Variants in SHANK2 observed in about 807,000 individuals in gnomAD.
The protein encoded by SHANK2 is SH3 and multiple ankyrin repeat domains 2, also known as SH3 and multiple ankyrin repeat domains protein 2.
Under a neutral mutation model 133.7 loss-of-function variants are expected in SHANK2, and 43 were observed. The observed-to-expected ratio is 0.32, with a 90% CI of 0.25 to 0.41. The LOEUF is 0.41. Among genes scored for constraint, SHANK2 ranks in the 10% least tolerant of loss-of-function variants. The probability of loss-of-function intolerance (pLI) is 1.00; values close to 1 mark genes in which losing one functional copy is unlikely to be tolerated. For synonymous variants in SHANK2, 1,017 were observed against 952.8 expected, an observed-to-expected ratio of 1.07 and a Z score of -1.24; for missense variants, 1,994 against 2,235.8, an observed-to-expected ratio of 0.89 and a Z score of 2.18.
Position 70,486,766 on chromosome 11 carries a change from G to A in SHANK2, c.3527C>T (p.Thr1176Met), listed in dbSNP as rs782614044. The A allele has an allele frequency of 2.5e-6, 4 of 1,611,306 alleles. No homozygotes were observed. The highest frequency in any genetic ancestry group is 1.1e-5 in the South Asian group (1 of 91,076). ...PGEAGRPLNS[T>M]SKAQGPESSP... ...GCTCTCGGGCCCCTGGGCTTTGGAC[G>A]TGGAATTCAGCGGCCTCCCAGCCTC... Residue 1176 changes from threonine to methionine, a missense_variant, in exon 25 of 26, where the codon ACG (threonine) becomes ATG (methionine). Transcript: ENST00000601538. The surrounding 1 kb of genome is among the most constrained non-coding windows in gnomAD (Gnocchi z 8.0).
chr11:70,655,934 G>A (rs77336405), intron 17 of SHANK2, among the ~76,000 whole-genome samples: 2 of 152,244 alleles, frequency 1.3e-5, no homozygotes, highest in South Asian at 4.2e-4. Context: ...GTGTGGGCTG[G>A]AGACGAGGTT....
chr11:71,204,407 T>C (rs1954086194), intron 2 of SHANK2, among the ~76,000 whole-genome samples: 2 of 152,066 alleles, frequency 1.3e-5, no homozygotes, highest in Non-Finnish European at 2.9e-5. Flanking sequence ...ACCTCCCATC[T>C]GCGCTGCCTC....
chr11:70,880,682 G>A (rs1289259907), intron 11 of SHANK2, among the ~76,000 whole-genome samples: 1 of 152,210 alleles, frequency 6.6e-6, no homozygotes, highest in Non-Finnish European at 1.5e-5. Flanking sequence ...CTGGGCTGGG[G>A]CTGGGGAACA....
intron 2 of SHANK2, among the ~76,000 whole-genome samples, chr11:71,195,130 C>T (rs1040312517): frequency 2.0e-5 from 3 of 152,292 alleles, no homozygotes; most frequent in South Asian, 2.1e-4. Flanking sequence ...TGGTGGCTGA[C>T]GCCTGTAATC....
In SHANK2 at chr11:70,492,360, C is replaced by A. The variant is rs1555156070; in HGVS notation, c.2414G>T (p.Cys805Phe). ...ATIKQRPSSR[C>F]FPAGSDMNSV... Reference sequence around the variant, plus strand: ...GTTCATGTCTGAGCCCGCCGGGAAGCACCGGCTGCTGGGCCGCTGCTTGAT... The same window carrying A: ...GTTCATGTCTGAGCCCGCCGGGAAGAACCGGCTGCTGGGCCGCTGCTTGAT... The change falls in exon 22 of 26, where the codon TGC becomes TTC. Residue 805 changes from cysteine (C) to phenylalanine (F), a missense_variant. Physicochemically the swap from Cys to Phe is radical, Grantham distance 205. Transcript: ENST00000601538. 1 of 1,612,534 alleles carries A rather than the reference C, an allele frequency of 6.2e-7. No homozygotes were observed. Among genetic ancestry groups the A allele is most frequent in the South Asian group, 1.1e-5 (1 of 91,080 alleles).
chr11:70,642,457 T>C (rs1328696557), intron 17 of SHANK2, among the ~76,000 whole-genome samples: 2 of 152,170 alleles, frequency 1.3e-5, no homozygotes, highest in East Asian at 1.9e-4. Context: ...GCTTGCTAGG[T>C]CACCCCATGT....
intron 1 of SHANK2, among the ~76,000 whole-genome samples, chr11:71,241,960 A>G (rs1954898405): frequency 6.6e-6 from 1 of 152,226 alleles, no homozygotes; most frequent in East Asian, 1.9e-4. Flanking sequence ...AGCATTATTC[A>G]CAACAGCCAG....
intron 8 of SHANK2, among the ~76,000 whole-genome samples, chr11:71,081,594 C>T (rs1181930311): frequency 6.6e-6 from 1 of 152,104 alleles, no homozygotes; most frequent in African/African-American, 2.4e-5. Flanking sequence ...CTTCACCCAT[C>T]CCCTCTCCTG....
At chr11:70,892,235 A>G (rs1555074841) in intron 11 of SHANK2, among the ~76,000 whole-genome samples, 1 of 152,116 alleles carries the variant, frequency 6.6e-6, no homozygotes, top group Non-Finnish European at 1.5e-5. Flanking sequence ...CTCCAGCCCT[A>G]CCCTGCCTTC....
At chr11:70,678,793 G>A (rs1944963003) in intron 15 of SHANK2, among the ~76,000 whole-genome samples, 2 of 151,786 alleles carry the variant, frequency 1.3e-5, no homozygotes, top group African/African-American at 2.4e-5. Flanking sequence ...CGCCCGCCTC[G>A]GCCTCCTGAA....
chr11:71,081,343 T>TG (rs1951298117), intron 8 of SHANK2, among the ~76,000 whole-genome samples: 1 of 152,232 alleles, frequency 6.6e-6, no homozygotes, highest in African/African-American at 2.4e-5. Flanking sequence ...TTGGGTCTAC[T>TG]AATGTGTGCT....
chr11:71,132,448 A>T (rs1342062594), intron 3 of SHANK2, among the ~76,000 whole-genome samples: 2 of 152,220 alleles, frequency 1.3e-5, no homozygotes, highest in Non-Finnish European at 2.9e-5. Context: ...GCTTTGCTAC[A>T]GAACTTGTAG....
chr11:70,944,494 G>C (rs570165884), intron 10 of SHANK2, among the ~76,000 whole-genome samples: 6 of 152,208 alleles, frequency 3.9e-5, no homozygotes, highest in Admixed American at 2.0e-4. Flanking sequence ...CTCTGGGACC[G>C]TCTCACTGAT....
In SHANK2 at chr11:70,682,830, G is replaced by T. The variant is rs782336617; in HGVS notation, c.1853+15858C>A. On this transcript the variant is annotated intron_variant, in intron 15 of 25. Coordinates refer to ENST00000601538, the MANE Select transcript of SHANK2 (RefSeq NM_012309.5). The stretch of plus-strand genomic sequence containing the variant: ...ATGGAAGAAAATGAAAAGACAAAAC[G>T]CAAGTCCTAAGCACAGGAGGATGAC... Among the ~76,000 whole-genome samples the T allele has an allele frequency of 3.3e-5, 5 of 152,276 alleles. No individual in the cohort carries two copies. The East Asian group carries it at 9.7e-4, about 29-fold the overall frequency.
chr11:71,217,965 C>T (rs1954448307), intron 2 of SHANK2, among the ~76,000 whole-genome samples: 3 of 152,126 alleles, frequency 2.0e-5, no homozygotes, highest in Non-Finnish European at 2.9e-5. Context: ...ATTATCCTGC[C>T]TCAGCCTCCT....
At chr11:70,915,489 T>G (rs1555079714) in intron 10 of SHANK2, among the ~76,000 whole-genome samples, 1 of 152,182 alleles carries the variant, frequency 6.6e-6, no homozygotes, top group Non-Finnish European at 1.5e-5. Flanking sequence ...GAAGGGACGG[T>G]GCCATCCCAG....
At chr11:70,928,424 C>T (rs550822414) in intron 10 of SHANK2, among the ~76,000 whole-genome samples, 1 of 152,288 alleles carries the variant, frequency 6.6e-6, no homozygotes, top group South Asian at 2.1e-4. Context: ...CAGGACAGTC[C>T]TAAGATGCAT....
At position 70,500,860 on chromosome 11, in the gene SHANK2, C is replaced by G. The variant is rs1344648601; in HGVS notation, c.2288-270G>C. 61 of 699,026 alleles carry G rather than the reference C, an allele frequency of 8.7e-5. No homozygotes were observed. In the East Asian group the frequency reaches 1.6e-3, roughly 18 times the overall value. The allele number at this position is 699,026 out of a possible 1,614,324, so 43.3% of individuals were successfully genotyped here. On this transcript the variant is annotated intron_variant, in intron 20 of 25. Transcript: ENST00000601538. The surrounding 1 kb of genome is among the most constrained non-coding windows in gnomAD (Gnocchi z 4.5). ...GTGGAAAGGGGCTTTCCTTCTTCCT[C>G]AGCACCCCTTGTCCCACCAGCACCC...
intron 17 of SHANK2, among the ~76,000 whole-genome samples, chr11:70,616,242 A>T (rs970798370): frequency 6.6e-6 from 1 of 152,120 alleles, no homozygotes; most frequent in African/African-American, 2.4e-5. Context: ...TCCGATAAGT[A>T]GCTACTGAGC....
Sources: gnomAD v4.1 joint callset for allele counts (sites outside exome capture counted in the v4.1 genomes callset) on GRCh38, gnomAD v4.1.1 for gene constraint, Gnocchi (gnomAD v3.1) non-coding constraint, MANE v1.5 for transcripts, NCBI Gene and HGNC (gene_info 2026-07-23, HGNC 2026-07-21) for gene names.